MCM10: variants seen among roughly 807,000 people sequenced by gnomAD.
The protein encoded by MCM10 is minichromosome maintenance 10 replication initiation factor.
Under a neutral mutation model 109.9 loss-of-function variants are expected in MCM10, and 91 were observed. The ratio of observed to expected loss-of-function variants is 0.83; its 90% confidence interval spans 0.70 to 0.99. The LOEUF (loss-of-function observed/expected upper bound fraction) is 0.99. Among genes scored for constraint, MCM10 ranks in the 50% least tolerant of loss-of-function variants. The pLI, the probability that MCM10 is intolerant of heterozygous loss-of-function variation, is 0.00. For synonymous variants in MCM10, 380 were observed against 387.2 expected, an observed-to-expected ratio of 0.98 and a Z score of 0.22; for missense variants, 1,077 against 1,061.2, an observed-to-expected ratio of 1.01 and a Z score of -0.21.
rs765463192 is a variant in MCM10 at position 13,164,143 on chromosome 10, G to A, written c.-60G>A. ...TTTCACACAGCCAAGATTCTACATT[G>A]CTCATCTGGGCATCTGAGCCTCCTT... On this transcript the variant is annotated 5_prime_UTR_variant, in exon 2 of 20. Coordinates refer to ENST00000378714, the MANE Select transcript of MCM10 (RefSeq NM_018518.5). 49 of 1,474,606 alleles carry A rather than the reference G, an allele frequency of 3.3e-5. No homozygotes were observed. Among genetic ancestry groups the A allele is most frequent in the Non-Finnish European group, 4.5e-5 (49 of 1,090,640 alleles). The allele number at this position is 1,474,606 out of a possible 1,614,324, so 91.3% of individuals were successfully genotyped here.
In MCM10 at chr10:13,204,235, T is replaced by C. The variant is rs2131589703; in HGVS notation, c.2369T>C (p.Phe790Ser). The C allele has an allele frequency of 6.2e-7, 1 of 1,614,146 alleles. No individual in the cohort carries two copies. Among genetic ancestry groups the C allele is most frequent in the Non-Finnish European group, 8.5e-7 (1 of 1,180,024 alleles). Residue 790 changes from phenylalanine (F) to serine (S), a missense_variant, in exon 18 of 20, where the codon TTC becomes TCC. Physicochemically the swap from Phe to Ser is radical, Grantham distance 155 (BLOSUM62 -2). Transcript: ENST00000378714. ...VTCKTCAYTH[F>S]KLLETCVSEQ... ...TCTGTGCAGTGCGCCTATACCCACT[T>C]CAAGCTGCTGGAGACCTGCGTCAGT...
intron 14 of MCM10, among the ~76,000 whole-genome samples, chr10:13,195,789 GAC>G (rs1216409175): frequency 6.6e-6 from 1 of 151,138 alleles, no homozygotes; most frequent in African/African-American, 2.4e-5. Flanking sequence ...TTTTAGTAGA[GAC>G]ATGGTTTCAC....
Position 13,195,114 on chromosome 10 carries a change from C to T in MCM10, c.1819C>T (p.Pro607Ser). The T allele has an allele frequency of 6.2e-7, 1 of 1,614,200 alleles. No homozygotes were observed. Among genetic ancestry groups the T allele is most frequent in the Non-Finnish European group, 8.5e-7 (1 of 1,180,038 alleles). ...ATCAAGACAGCCCCCTGCTCAGCCT[C>T]CACGGACAGGATCCGAGTTCCCCAG... Reference protein sequence around the residue: ...SSSRQPPAQPPRTGSEFPRLE... With the variant: ...SSSRQPPAQPSRTGSEFPRLE... The change falls in exon 14 of 20, where the codon CCA becomes TCA. Residue 607 changes from proline (P) to serine (S), a missense_variant. Transcript: ENST00000378714.
intron 16 of MCM10, 47 bp from the exon 17 acceptor site, chr10:13,201,374 C>A: frequency 9.0e-7 from 1 of 1,116,214 alleles, no homozygotes; most frequent in Non-Finnish European, 1.4e-6. Context: ...TGCCTGAGTG[C>A]ATACTGGATT....
chr10:13,167,675 CAG>C (rs144152793), intron 2 of MCM10, among the ~76,000 whole-genome samples: 2,782 of 152,200 alleles, frequency 0.018, 88 homozygotes, highest in African/African-American at 0.058. Context: ...TCTTGAACTT[CAG>C]AGAGCTGTGA....
In MCM10 at chr10:13,171,072, A is replaced by C; in HGVS notation, c.158A>C (p.Glu53Ala). The C allele has an allele frequency of 6.2e-7, 1 of 1,614,222 alleles. No individual in the cohort carries two copies. Among genetic ancestry groups the C allele is most frequent in the Non-Finnish European group, 8.5e-7 (1 of 1,180,048 alleles). ...DELFDADGDG[E>A]SYTEEADDGE... ...CTCTTTGATGCCGACGGCGACGGTGAATCTTATACAGAAGAGGCTGATGAT... is the reference window on the plus strand; with the variant it reads ...CTCTTTGATGCCGACGGCGACGGTGCATCTTATACAGAAGAGGCTGATGAT... The change falls in exon 3 of 20, where the codon GAA becomes GCA. Residue 53 changes from glutamate to alanine, a missense_variant. Glu to Ala is a moderately radical substitution (Grantham distance 107). Transcript: ENST00000378714.
Position 13,182,812 on chromosome 10 carries a change from CAA to C in MCM10, c.931-115_931-114del, listed in dbSNP as rs753212017. On this transcript the variant is annotated intron_variant, in intron 7 of 19. Transcript: ENST00000378714. This position sits in a 1 kb window ranked among gnomAD's most constrained non-coding sequence, Gnocchi z 4.2. ...CTGATGATACATATTTGAATAACAACAAAAAAACTTGGATTTTATGGATTATA... is the reference window on the plus strand; with the variant it reads ...CTGATGATACATATTTGAATAACAACAAAAACTTGGATTTTATGGATTATA... 2.8e-6 allele frequency: 2 copies of C among 708,218 alleles called. No homozygotes were observed. Among genetic ancestry groups the C allele is most frequent in the Non-Finnish European group, 4.5e-6 (2 of 441,132 alleles). The allele number at this position is 708,218 out of a possible 1,614,324, so 43.9% of individuals were successfully genotyped here. A position where few individuals can be genotyped will look rare whatever the true frequency, so the allele number is the denominator to read the frequency against.
rs113365912 is a variant in MCM10, at chr10:13,163,709, T to C, written c.-75-419T>C. 3.6e-3 allele frequency among the ~76,000 whole-genome samples: 540 copies of C among 152,052 alleles called. 3 individuals are homozygous for C. The highest frequency in any genetic ancestry group is 0.012 in the African/African-American group (491 of 41,536). Reference sequence around the variant, plus strand: ...AATTTGTGTGTGTGTGTGTGTAATTTTTAAAAAAGACAAGGTCTTGCTATG... The same window carrying C: ...AATTTGTGTGTGTGTGTGTGTAATTCTTAAAAAAGACAAGGTCTTGCTATG... On this transcript the variant is annotated intron_variant, in intron 1 of 19. Coordinates refer to ENST00000378714, the MANE Select transcript of MCM10 (RefSeq NM_018518.5).
chr10:13,173,587 G>A (rs1834103658), intron 5 of MCM10, among the ~76,000 whole-genome samples: 2 of 152,186 alleles, frequency 1.3e-5, no homozygotes, highest in African/African-American at 4.8e-5. Context: ...AACATGGGTT[G>A]GAGGACACAG....
At chr10:13,179,357 A>G (rs1395261859) in intron 6 of MCM10, among the ~76,000 whole-genome samples, 1 of 151,962 alleles carries the variant, frequency 6.6e-6, no homozygotes, top group African/African-American at 2.4e-5. Flanking sequence ...GTGGCCCCCT[A>G]CCTGGCCTTC....
At chr10:13,204,116 T>G (rs1283357419) in intron 17 of MCM10, 103 bp from the exon 18 acceptor site, 261 of 1,400,876 alleles carry the variant, frequency 1.9e-4, no homozygotes, top group Middle Eastern at 2.6e-4. Context: ...CAGGTAGTGA[T>G]GAGAGACCAG....
chr10:13,193,692 A>G (rs1412243814), intron 13 of MCM10, among the ~76,000 whole-genome samples: 1 of 152,186 alleles, frequency 6.6e-6, no homozygotes, highest in East Asian at 1.9e-4. Flanking sequence ...TGCCGGTGGG[A>G]TATCTATAGA....
chr10:13,208,153 G>A (rs975593217), intron 18 of MCM10, among the ~76,000 whole-genome samples: 3 of 152,170 alleles, frequency 2.0e-5, no homozygotes, highest in African/African-American at 7.2e-5. Flanking sequence ...GGAGGCTGAG[G>A]CAGATGGAAC....
intron 3 of MCM10, among the ~76,000 whole-genome samples, chr10:13,171,915 C>T (rs533828328): frequency 2.0e-4 from 31 of 152,096 alleles, no homozygotes; most frequent in Non-Finnish European, 4.1e-4. Flanking sequence ...TAGGCATGCA[C>T]CACCATGCCC....
intron 8 of MCM10, among the ~76,000 whole-genome samples, chr10:13,185,615 G>A (rs976049738): frequency 3.1e-4 from 47 of 152,236 alleles, no homozygotes; most frequent in African/African-American, 1.1e-3. Context: ...ACCTGAGGCT[G>A]AGAAGTCAGC....
At chr10:13,169,269 C>T (rs1834039751) in intron 2 of MCM10, among the ~76,000 whole-genome samples, 1 of 152,176 alleles carries the variant, frequency 6.6e-6, no homozygotes, top group East Asian at 1.9e-4. Context: ...GCCATGGACG[C>T]GGCAACCCAT....
intron 18 of MCM10, among the ~76,000 whole-genome samples, chr10:13,207,672 AG>A (rs1834601701): frequency 6.6e-6 from 1 of 152,194 alleles, no homozygotes; most frequent in Non-Finnish European, 1.5e-5. Context: ...GGTTTTATAA[AG>A]GAGAGTTCCC....
rs1471149540 is a variant in MCM10, at chr10:13,170,926, G to A, written c.12G>A (p.Glu4=). The A allele has an allele frequency of 6.2e-7, 1 of 1,611,888 alleles. No homozygotes were observed. Among genetic ancestry groups the A allele is most frequent in the Non-Finnish European group, 8.5e-7 (1 of 1,178,342 alleles). ...CTTTCTCTTCTTTTCCCCTAGAGGA[G>A]GAAGACAATCTGTCTCTGCTGACCG... MDE[E]EDNLSLLTAL... is the part of the protein sequence containing the mutation. The change falls in exon 3 of 20, where the codon GAG becomes GAA. Residue 4 remains glutamate, a synonymous_variant. Transcript: ENST00000378714.
intron 11 of MCM10, among the ~76,000 whole-genome samples, chr10:13,191,907 A>G (rs1834352734): frequency 9.1e-6 from 1 of 109,886 alleles, no homozygotes; most frequent in African/African-American, 2.8e-5. Flanking sequence ...TTAATAAAAT[A>G]AAAACAAATA....
Sources: gnomAD v4.1 joint callset for allele counts (sites outside exome capture counted in the v4.1 genomes callset) on GRCh38, gnomAD v4.1.1 for gene constraint, Gnocchi (gnomAD v3.1) non-coding constraint, MANE v1.5 for transcripts, NCBI Gene and HGNC (gene_info 2026-07-23, HGNC 2026-07-21) for gene names.